Variants in BRWD3 observed in about 807,000 individuals in gnomAD.
BRWD3 encodes the protein bromodomain and WD repeat-containing protein 3.
BRWD3 carries 10 observed loss-of-function variants against 149.7 expected under a neutral mutation model. The observed-to-expected ratio is 0.07, with a 90% CI of 0.04 to 0.11. The LOEUF (loss-of-function observed/expected upper bound fraction) is 0.11, where lower values mean the gene tolerates loss of function less well. BRWD3 is among the 10% of genes least tolerant of loss of function. The probability of loss-of-function intolerance (pLI) is 1.00; values close to 1 mark genes in which losing one functional copy is unlikely to be tolerated. For missense variants in BRWD3, 940 were observed against 1,373.2 expected (o/e 0.68, Z 4.99); for synonymous variants, 504 against 456.7 (o/e 1.10, Z -1.32).
At chrX:80,771,955 A>G (rs1221437845) in intron 6 of BRWD3, among the ~76,000 whole-genome samples, 1 of 111,718 alleles carries the variant, frequency 9.0e-6, no homozygotes, top group Non-Finnish European at 1.9e-5. Context: ...GATCATTAAT[A>G]AGTCAGGAAA....
chrX:80,698,211 C>T (rs751534954), intron 25 of BRWD3, among the ~76,000 whole-genome samples: 7 of 111,807 alleles, frequency 6.3e-5, no homozygotes, highest in African/African-American at 2.3e-4. Flanking sequence ...TATGATCTTA[C>T]AATAATCATA....
chrX:80,709,001 G>A (rs957912368), intron 21 of BRWD3, among the ~76,000 whole-genome samples: 1 of 111,938 alleles, frequency 8.9e-6, no homozygotes, highest in Non-Finnish European at 1.9e-5. Context: ...AGGTAGGTCT[G>A]AGAAAAATCA....
At chrX:80,711,670 C>T (rs2072970781) in intron 20 of BRWD3, among the ~76,000 whole-genome samples, 2 of 112,073 alleles carry the variant, frequency 1.8e-5, no homozygotes, top group African/African-American at 6.5e-5. Context: ...GAATCTCGGT[C>T]TCTAAAATTC....
chrX:80,715,704 C>T (rs1290220290), intron 20 of BRWD3, among the ~76,000 whole-genome samples: 1 of 111,949 alleles, frequency 8.9e-6, no homozygotes, highest in Non-Finnish European at 1.9e-5. Context: ...TGTCTTACAG[C>T]CTGAAAGCAA....
intron 6 of BRWD3, among the ~76,000 whole-genome samples, chrX:80,749,103 C>T (rs75603757): frequency 8.9e-6 from 1 of 112,114 alleles, no homozygotes; most frequent in East Asian, 2.8e-4. Context: ...TTAAGACTTG[C>T]TTTGTGTCCT....
intron 6 of BRWD3, among the ~76,000 whole-genome samples, chrX:80,754,455 G>A (rs1397111294): frequency 8.9e-6 from 1 of 111,766 alleles, no homozygotes; most frequent in African/African-American, 3.3e-5. Context: ...TCAGCAAACA[G>A]AGATAATTTG....
intron 14 of BRWD3, 64 bp from the exon 15 acceptor site, chrX:80,725,131 GGTCTTCAGT>G: frequency 3.7e-6 from 4 of 1,092,552 alleles, no homozygotes; most frequent in Non-Finnish European, 3.8e-6. Flanking sequence ...TTGGTAAAAA[GGTCTTCAGT>G]GTGCTATCAG....
intron 8 of BRWD3, among the ~76,000 whole-genome samples, chrX:80,737,624 C>T (rs1003602195): frequency 9.0e-6 from 1 of 111,646 alleles, no homozygotes; most frequent in South Asian, 3.8e-4. Context: ...CACCTGAGGT[C>T]GGGAGTTCGA....
Position 80,763,381 on chromosome X carries a change from T to C in BRWD3, c.431-17652A>G, listed in dbSNP as rs747713839. Among the ~76,000 whole-genome samples, 3 of 111,746 alleles carry C rather than the reference T, an allele frequency of 2.7e-5. No homozygotes were observed. The East Asian group carries it at 8.4e-4, about 31-fold the overall frequency. ...ATCATCATATACCCCAATAGCTAAC[T>C]ATGTTTCAGTGACTACAACAGATTT... is the stretch of plus-strand genomic sequence containing the variant. On this transcript the variant is annotated intron_variant, in intron 6 of 40. Transcript: ENST00000373275.
In BRWD3 at chrX:80,809,846, T is replaced by C. The variant is rs868184987; in HGVS notation, c.-375A>G. 1.0e-4 allele frequency among the ~76,000 whole-genome samples: 1 copy of C among 9,982 alleles called. No individual in the cohort carries two copies. The highest frequency in any genetic ancestry group is 1.3e-3 in the Admixed American group (1 of 760). 8.7% of individuals were successfully genotyped at this position (9,982 alleles called of 115,157 possible). On this transcript the variant is annotated 5_prime_UTR_variant, in exon 1 of 41. Transcript: ENST00000373275. ...GCGGAGAGAGAGAGAGAGAGAGAGATAGACGGAGCGAGAAGAGGGAGGAGC... is the reference window on the plus strand; with the variant it reads ...GCGGAGAGAGAGAGAGAGAGAGAGACAGACGGAGCGAGAAGAGGGAGGAGC...
chrX:80,728,395 T>G (rs1194899500), intron 14 of BRWD3, among the ~76,000 whole-genome samples: 1 of 111,417 alleles, frequency 9.0e-6, no homozygotes, highest in East Asian at 2.8e-4. Flanking sequence ...GAAAAAACTA[T>G]GTAGGATACC....
At chrX:80,696,924 T>C (rs925472904) in intron 25 of BRWD3, 61 bp from the exon 26 acceptor site, 4 of 1,010,655 alleles carry the variant, frequency 4.0e-6, no homozygotes, top group Non-Finnish European at 5.5e-6. Flanking sequence ...ATTTGTATAA[T>C]ATTTCATTAT....
chrX:80,792,714 TTAAG>T (rs2074194158), intron 5 of BRWD3, among the ~76,000 whole-genome samples: 1 of 111,533 alleles, frequency 9.0e-6, no homozygotes, highest in South Asian at 3.7e-4. Context: ...CTGCTATACC[TTAAG>T]TATTTATTAC....
At chrX:80,688,167 T>C (rs1317876969) in intron 33 of BRWD3, 42 bp from the exon 34 acceptor site, 3 of 1,012,286 alleles carry the variant, frequency 3.0e-6, no homozygotes, top group Admixed American at 4.4e-5. Flanking sequence ...TTAAGTTACA[T>C]TCAAAGTCAT....
chrX:80,703,420 C>T (rs2072818441), intron 24 of BRWD3, 60 bp downstream of exon 24: 1 of 691,462 alleles, frequency 1.4e-6, no homozygotes, highest in Non-Finnish European at 2.2e-6. Flanking sequence ...TATATTCAGA[C>T]TGATTAAAGT....
At chrX:80,719,711 A>T in intron 17 of BRWD3, 55 bp from the exon 18 acceptor site, 1 of 1,096,757 alleles carries the variant, frequency 9.1e-7, no homozygotes, top group Admixed American at 2.2e-5. Flanking sequence ...GTATACCTTA[A>T]ACATAGTAAA....
intron 6 of BRWD3, among the ~76,000 whole-genome samples, chrX:80,781,243 G>A (rs969273888): frequency 9.0e-6 from 1 of 111,608 alleles, no homozygotes; most frequent in Non-Finnish European, 1.9e-5. Context: ...GGGGGTTGCC[G>A]TTGCTGGCTC....
At chrX:80,774,427 A>T (rs903043045) in intron 6 of BRWD3, among the ~76,000 whole-genome samples, 3 of 108,970 alleles carry the variant, frequency 2.8e-5, no homozygotes, top group African/African-American at 1.0e-4. Flanking sequence ...TGCCCAGCTA[A>T]TTTTCTTCCA....
At chrX:80,775,550 T>A (rs977356861) in intron 6 of BRWD3, among the ~76,000 whole-genome samples, 2 of 111,934 alleles carry the variant, frequency 1.8e-5, no homozygotes, top group Non-Finnish European at 3.8e-5. Flanking sequence ...ACAGCAAATA[T>A]GTGTATTGTA....
Sources: gnomAD v4.1 joint callset for allele counts (sites outside exome capture counted in the v4.1 genomes callset) on GRCh38, gnomAD v4.1.1 for gene constraint, MANE v1.5 for transcripts, NCBI Gene and HGNC (gene_info 2026-07-23, HGNC 2026-07-21) for gene names.